UTRN: variants seen among roughly 807,000 people sequenced by gnomAD.
UTRN encodes utrophin, also known as dystrophin-related protein 1.
In UTRN, 283 loss-of-function variants were observed where a neutral mutation model predicts 463.9. The observed-to-expected ratio is 0.61, with a 90% confidence interval of 0.55 to 0.67. UTRN has a LOEUF of 0.67. UTRN is among the 30% of genes least tolerant of loss of function. The pLI, the probability that UTRN is intolerant of heterozygous loss-of-function variation, is 0.00. For synonymous variants in UTRN, 1,442 were observed against 1,431.5 expected, an observed-to-expected ratio of 1.01 and a Z score of -0.17; for missense variants, 3,922 against 4,084.3, an observed-to-expected ratio of 0.96 and a Z score of 1.08.
chr6:144,777,807 A>G (rs1188172167), intron 60 of UTRN, among the ~76,000 whole-genome samples: 1 of 152,208 alleles, frequency 6.6e-6, no homozygotes, highest in African/African-American at 2.4e-5. Flanking sequence ...AATTGGGGAT[A>G]AGAAGGGAAG....
At chr6:144,502,090 TG>T (rs988387577) in intron 34 of UTRN, among the ~76,000 whole-genome samples, 1 of 151,630 alleles carries the variant, frequency 6.6e-6, no homozygotes, top group Non-Finnish European at 1.5e-5. Flanking sequence ...CTTCCTTTTT[TG>T]TTTTTTTAAG....
intron 2 of UTRN, among the ~76,000 whole-genome samples, chr6:144,343,363 AAC>A (rs3061626): frequency 0.096 from 12,920 of 135,080 alleles, 674 homozygotes; most frequent in Non-Finnish European, 0.12. Flanking sequence ...GTCTCTACTA[AAC>A]ACACACACAC....
At chr6:144,664,543 A>G (rs1284758219) in intron 51 of UTRN, among the ~76,000 whole-genome samples, 1 of 149,006 alleles carries the variant, frequency 6.7e-6, no homozygotes, top group Non-Finnish European at 1.5e-5. Context: ...GGCTCAAGCT[A>G]TCCACCCACC....
chr6:144,729,505 G>A (rs561902717), intron 53 of UTRN, among the ~76,000 whole-genome samples: 5 of 152,274 alleles, frequency 3.3e-5, no homozygotes, highest in Admixed American at 1.3e-4. Context: ...GAACTACACC[G>A]AAGGCAAAAT....
chr6:144,756,792 T>G (rs1344127204), intron 57 of UTRN, among the ~76,000 whole-genome samples: 1 of 152,110 alleles, frequency 6.6e-6, no homozygotes, highest in East Asian at 1.9e-4. Context: ...GAAGAATTGC[T>G]CAGCTAGTGT....
intron 52 of UTRN, among the ~76,000 whole-genome samples, chr6:144,696,722 A>G (rs898518400): frequency 3.3e-5 from 5 of 152,188 alleles, no homozygotes; most frequent in African/African-American, 9.6e-5. Flanking sequence ...GATTCTGGGT[A>G]GTCATTACAC....
At chr6:144,444,732 C>T (rs1787495342) in intron 14 of UTRN, among the ~76,000 whole-genome samples, 1 of 152,160 alleles carries the variant, frequency 6.6e-6, no homozygotes, top group Admixed American at 6.6e-5. Flanking sequence ...AATTTGTGCT[C>T]AGTAAATAAT....
At position 144,548,765 on chromosome 6, in the gene UTRN, T is replaced by C; in HGVS notation, c.6721T>C (p.Trp2241Arg). ...TAAAACTATAACAGAACTAGCCGAC[T>C]GGCTGGTATTAATCGACCAGATGCT... ...LDKTITELADWLVLIDQMLKS... is the reference protein window; with the variant it reads ...LDKTITELADRLVLIDQMLKS... The change falls in exon 47 of 75, where the codon TGG becomes CGG. Residue 2241 changes from tryptophan to arginine, a missense_variant. Trp to Arg is a moderately radical substitution (Grantham distance 101, BLOSUM62 -3). Around this residue, in one of 3 missense-constraint regions of UTRN, gnomAD observed 2,349 missense variants for 2,303.8 expected, o/e 1.02. Transcript: ENST00000367545. 3 of 1,614,082 alleles carry C rather than the reference T, an allele frequency of 1.9e-6. No individual in the cohort carries two copies. Among genetic ancestry groups the C allele is most frequent in the Non-Finnish European group, 2.5e-6 (3 of 1,179,984 alleles).
chr6:144,467,108 C>T (rs1790034376), intron 23 of UTRN, among the ~76,000 whole-genome samples: 1 of 152,192 alleles, frequency 6.6e-6, no homozygotes, highest in South Asian at 2.1e-4. Flanking sequence ...GCCCTGAAGC[C>T]CTCCCTGCAT....
intron 41 of UTRN, 91 bp downstream of exon 41, chr6:144,523,279 G>A (rs1796269510): frequency 4.8e-6 from 5 of 1,039,482 alleles, no homozygotes; most frequent in Non-Finnish European, 5.2e-6. Context: ...AGATTAATGA[G>A]AACATGTTTC....
intron 59 of UTRN, among the ~76,000 whole-genome samples, chr6:144,773,355 G>A (rs1794294659): frequency 6.6e-6 from 1 of 151,838 alleles, no homozygotes; most frequent in Admixed American, 6.6e-5. Flanking sequence ...CCTTTATTGG[G>A]AAAAAAAGGA....
chr6:144,661,265 A>C (rs967499218), intron 51 of UTRN, among the ~76,000 whole-genome samples: 1 of 152,200 alleles, frequency 6.6e-6, no homozygotes, highest in Non-Finnish European at 1.5e-5. Context: ...AAGATGCAAC[A>C]TCATGCCATC....
At chr6:144,690,306 G>A (rs71564484) in intron 52 of UTRN, among the ~76,000 whole-genome samples, 1 of 151,474 alleles carries the variant, frequency 6.6e-6, no homozygotes, top group Admixed American at 6.6e-5. Context: ...CTGCACAGAA[G>A]AGTGCAAATG....
chr6:144,353,834 G>A lies in UTRN; in HGVS notation c.80-49289G>A, dbSNP rs556823763. On this transcript the variant is annotated intron_variant, in intron 2 of 74. Transcript: ENST00000367545. ...TAAACTCCAGCCTGGGCAACAGAGC[G>A]AGACTGTCTAAAACAAACAAACAAA... Among the ~76,000 whole-genome samples the A allele has an allele frequency of 4.0e-3, 600 of 148,550 alleles. 3 individuals carry two copies. The highest frequency in any genetic ancestry group is 0.015 in the African/African-American group (575 of 38,034).
At position 144,426,452 on chromosome 6, in the gene UTRN, C is replaced by T. The variant is rs146738862; in HGVS notation, c.571C>T (p.Arg191Ter). Reference sequence around the variant, plus strand: ...ACTCGCCTTTAATGCTGTCCTCCACCGACATAAGTGAGACATTACTCTATC... The same window carrying T: ...ACTCGCCTTTAATGCTGTCCTCCACTGACATAAGTGAGACATTACTCTATC... ...DGLAFNAVLH[R>*]HKPDLFSWDK... Residue 191 changes from arginine (R) to a stop codon, truncating the protein, a stop_gained, in exon 7 of 75, where the codon CGA (arginine) becomes TGA (stop). Coordinates refer to ENST00000367545, the MANE Select transcript of UTRN (RefSeq NM_007124.3). LOFTEE classifies it high-confidence loss of function. The T allele has an allele frequency of 4.2e-5, 67 of 1,613,338 alleles. No individual in the cohort carries two copies. The highest frequency in any genetic ancestry group is 5.5e-5 in the Non-Finnish European group (65 of 1,179,704).
At position 144,315,994 on chromosome 6, in the gene UTRN, G is replaced by C. The variant is rs143965435; in HGVS notation, c.79+24087G>C. Among the ~76,000 whole-genome samples the C allele has an allele frequency of 2.0e-5, 3 of 152,238 alleles. No individual in the cohort carries two copies. The South Asian group carries it at 6.2e-4, about 32-fold the overall frequency. ...TTCAAAATGGAAGAGGCAGCTAGAGGATTTCAGGATACATTTCCCTCAGTT... is the reference window on the plus strand; with the variant it reads ...TTCAAAATGGAAGAGGCAGCTAGAGCATTTCAGGATACATTTCCCTCAGTT... On this transcript the variant is annotated intron_variant, in intron 2 of 74. Transcript: ENST00000367545.
chr6:144,675,216 G>T (rs2328597), intron 51 of UTRN, among the ~76,000 whole-genome samples: 82,676 of 151,882 alleles, frequency 0.54, 23,315 homozygotes, highest in East Asian at 0.86. Flanking sequence ...CTGCAGTGAT[G>T]GTTGTGCTCT....
chr6:144,374,577 G>A (rs1442479772), intron 2 of UTRN, among the ~76,000 whole-genome samples: 2 of 151,122 alleles, frequency 1.3e-5, no homozygotes, highest in Non-Finnish European at 2.9e-5. Flanking sequence ...TCCGCCTCCC[G>A]GGCTCAAGTG....
chr6:144,485,412 C>T lies in UTRN; in HGVS notation c.3715C>T (p.Leu1239Phe), dbSNP rs1227436734. 5.0e-6 allele frequency: 8 copies of T among 1,614,020 alleles called. No individual in the cohort carries two copies. The highest frequency in any genetic ancestry group is 2.2e-5 in the East Asian group (1 of 44,892). Residue 1239 changes from leucine to phenylalanine, a missense_variant, in exon 28 of 75, where the codon CTT becomes TTT. Leu to Phe is a conservative substitution (Grantham distance 22). Around this residue, in one of 3 missense-constraint regions of UTRN, gnomAD observed 2,349 missense variants for 2,303.8 expected, o/e 1.02. Transcript: ENST00000367545. ...EEVWSCWIEL[L>F]HYLDLETTWL... ...GGTCTGGTCTTGTTGGATTGAACTG[C>T]TTCACTATTTGGATCTTGAAACTAC...
Sources: gnomAD v4.1 joint callset for allele counts (sites outside exome capture counted in the v4.1 genomes callset) on GRCh38, gnomAD v4.1.1 for gene constraint, gnomAD v4.1.1 regional missense constraint, MANE v1.5 for transcripts, NCBI Gene and HGNC (gene_info 2026-07-23, HGNC 2026-07-21) for gene names.